Variants in GNA12 observed in about 807,000 individuals in gnomAD.
GNA12 encodes guanine nucleotide-binding protein subunit alpha-12.
GNA12 carries 9 observed loss-of-function variants against 26.0 expected under a neutral mutation model. The ratio of observed to expected loss-of-function variants is 0.35; its 90% CI spans 0.21 to 0.60. The LOEUF (loss-of-function observed/expected upper bound fraction) is 0.60. Among genes scored for constraint, GNA12 ranks in the 20% least tolerant of loss-of-function variants. The pLI, the probability that GNA12 is intolerant of heterozygous loss-of-function variation, is 0.78. For missense variants in GNA12, 405 were observed against 525.8 expected (o/e 0.77, Z 2.25); for synonymous variants, 264 against 219.6 (o/e 1.20, Z -1.79).
At chr7:2,833,794 C>T (rs970449769) in intron 1 of GNA12, among the ~76,000 whole-genome samples, 1 of 152,092 alleles carries the variant, frequency 6.6e-6, no homozygotes, top group Non-Finnish European at 1.5e-5. Context: ...GCAAACCCGC[C>T]GCAGCATCAA....
intron 2 of GNA12, among the ~76,000 whole-genome samples, chr7:2,758,791 T>G (rs536466653): frequency 5.3e-5 from 8 of 152,284 alleles, no homozygotes; most frequent in Non-Finnish European, 1.2e-4. Flanking sequence ...TGCAGTTTAC[T>G]CATCTAATAG....
chr7:2,788,122 C>G (rs977997857), intron 2 of GNA12, among the ~76,000 whole-genome samples: 1 of 152,092 alleles, frequency 6.6e-6, no homozygotes, highest in Middle Eastern at 3.4e-3. Context: ...CCACTGCACT[C>G]CAGCCTGGGC....
At chr7:2,744,543 G>C (rs1790672988) in intron 2 of GNA12, among the ~76,000 whole-genome samples, 1 of 151,936 alleles carries the variant, frequency 6.6e-6, no homozygotes. Flanking sequence ...AAAGACCAAA[G>C]GTAGAAAAGA....
chr7:2,745,490 G>A (rs1790721960), intron 2 of GNA12, among the ~76,000 whole-genome samples: 2 of 152,156 alleles, frequency 1.3e-5, no homozygotes, highest in South Asian at 4.1e-4. Context: ...GTCACCACCA[G>A]GCCTGCCCTA....
At chr7:2,733,642 C>G in intron 2 of GNA12, 141 bp from the exon 3 acceptor site, 1 of 660,806 alleles carries the variant, frequency 1.5e-6, no homozygotes, top group Non-Finnish European at 2.8e-6. Flanking sequence ...CAGAGAGTGT[C>G]CGTGTGTTTT....
rs984211809 is a variant in GNA12 at position 2,763,054 on chromosome 7, G to A, written c.526-29553C>T. On this transcript the variant is annotated intron_variant, in intron 2 of 3. Coordinates refer to ENST00000275364, the MANE Select transcript of GNA12 (RefSeq NM_007353.3). ...AGGACTCAGCGTGCCGTTCCTCCAG[G>A]ACGCAGACCGGGGCTCCCTACCAGC... 9 of 1,246,376 alleles carry A rather than the reference G, an allele frequency of 7.2e-6. No individual in the cohort carries two copies. The Admixed American group carries it at 3.4e-4, about 46-fold the overall frequency. 77.2% of individuals were successfully genotyped at this position (1,246,376 alleles called of 1,614,324 possible).
chr7:2,815,148 C>T (rs1487816543), intron 1 of GNA12: 1 of 672,506 alleles, frequency 1.5e-6, no homozygotes. Flanking sequence ...AGGAGCAATA[C>T]AAAAAGCAAG....
At chr7:2,791,855 C>G (rs1009560963) in intron 2 of GNA12, among the ~76,000 whole-genome samples, 5 of 152,018 alleles carry the variant, frequency 3.3e-5, no homozygotes, top group African/African-American at 1.2e-4. Flanking sequence ...ATAAAATGCT[C>G]CATCATTTTT....
At chr7:2,812,650 TCACA>T (rs1793110632) in intron 1 of GNA12, among the ~76,000 whole-genome samples, 1 of 85,716 alleles carries the variant, frequency 1.2e-5, no homozygotes, top group Non-Finnish European at 2.9e-5. Flanking sequence ...TCACATCACA[TCACA>T]TCACATCACA....
intron 2 of GNA12, among the ~76,000 whole-genome samples, chr7:2,781,970 T>C (rs1792240676): frequency 6.6e-6 from 1 of 152,182 alleles, no homozygotes; most frequent in African/African-American, 2.4e-5. Flanking sequence ...GATGTATAGA[T>C]TGAGAGAATA....
intron 2 of GNA12, among the ~76,000 whole-genome samples, chr7:2,788,921 G>A (rs1267291017): frequency 1.3e-5 from 2 of 151,850 alleles, no homozygotes; most frequent in African/African-American, 2.4e-5. Context: ...CTGGGCTCAA[G>A]CGATTCTCCT....
chr7:2,744,987 C>T (rs548387671), intron 2 of GNA12, among the ~76,000 whole-genome samples: 22 of 152,186 alleles, frequency 1.4e-4, no homozygotes, highest in Admixed American at 2.6e-4. Flanking sequence ...TAAAAAGAAA[C>T]GAACAAGGCC....
intron 2 of GNA12, among the ~76,000 whole-genome samples, chr7:2,737,509 G>A (rs1367129487): frequency 1.3e-5 from 2 of 151,882 alleles, no homozygotes; most frequent in Non-Finnish European, 2.9e-5. Context: ...GGCTGGTCTC[G>A]AACTCCTGAC....
In GNA12 at chr7:2,826,143, C is replaced by T. The variant is rs111228396; in HGVS notation, c.309+17710G>A. Among the ~76,000 whole-genome samples the T allele has an allele frequency of 7.5e-3, 1,142 of 152,046 alleles. 15 individuals carry two copies. The highest frequency in any genetic ancestry group is 0.026 in the African/African-American group (1,075 of 41,458). On this transcript the variant is annotated intron_variant, in intron 1 of 3. Transcript: ENST00000275364. ...CCTGTAATCCTAGCACTTTGGGAGG[C>T]GCAGGCGGGCAGATCACGAGGTCAG...
intron 1 of GNA12, among the ~76,000 whole-genome samples, chr7:2,836,634 CAA>C (rs1778845212): frequency 6.6e-6 from 1 of 152,120 alleles, no homozygotes. Context: ...TTCCAAATAA[CAA>C]GAGAAGGCCA....
At chr7:2,839,174 G>C (rs1365287483) in intron 1 of GNA12, among the ~76,000 whole-genome samples, 1 of 152,212 alleles carries the variant, frequency 6.6e-6, no homozygotes, top group Non-Finnish European at 1.5e-5. Context: ...ACCATACACA[G>C]TATACTCTCT....
intron 2 of GNA12, among the ~76,000 whole-genome samples, chr7:2,761,064 G>T (rs900997047): frequency 6.6e-6 from 1 of 152,216 alleles, no homozygotes; most frequent in African/African-American, 2.4e-5. Flanking sequence ...ACGGAGTCAG[G>T]AACGTAGCAC....
At chr7:2,807,661 G>C (rs776360106) in intron 1 of GNA12, among the ~76,000 whole-genome samples, 5 of 151,748 alleles carry the variant, frequency 3.3e-5, no homozygotes, top group Non-Finnish European at 7.4e-5. Context: ...AGACTATCTG[G>C]AGGAAAGTTC....
At chr7:2,806,993 G>T (rs1296882984) in intron 1 of GNA12, among the ~76,000 whole-genome samples, 1 of 152,112 alleles carries the variant, frequency 6.6e-6, no homozygotes, top group Non-Finnish European at 1.5e-5. Flanking sequence ...TTCCAGAAAG[G>T]TTCTGCCAAT....
Sources: gnomAD v4.1 joint callset for allele counts (sites outside exome capture counted in the v4.1 genomes callset) on GRCh38, gnomAD v4.1.1 for gene constraint, MANE v1.5 for transcripts, NCBI Gene and HGNC (gene_info 2026-07-23, HGNC 2026-07-21) for gene names.